CHD6: variants seen among roughly 807,000 people sequenced by gnomAD.
The protein encoded by CHD6 is ATP-dependent chromatin remodeler CHD6.
CHD6 carries 50 observed loss-of-function variants against 276.9 expected under a neutral mutation model. The observed-to-expected ratio is 0.18, with a 90% CI of 0.14 to 0.23. The LOEUF is 0.23. Ranked by LOEUF, CHD6 falls within the 10% of genes least tolerant of loss-of-function variation. The pLI is 1.00. For synonymous variants in CHD6, 1,173 were observed against 1,229.3 expected (o/e 0.95, Z 0.96); for missense variants, 2,564 against 3,365.8 (o/e 0.76, Z 5.89).
intron 2 of CHD6, among the ~76,000 whole-genome samples, chr20:41,539,549 G>C (rs184243618): frequency 1.3e-5 from 2 of 152,136 alleles, no homozygotes; most frequent in African/African-American, 2.4e-5. Flanking sequence ...AAACACACAC[G>C]ACCACCCCAC....
intron 17 of CHD6, among the ~76,000 whole-genome samples, chr20:41,460,657 C>A (rs1045078295): frequency 3.9e-5 from 6 of 152,204 alleles, no homozygotes; most frequent in Admixed American, 1.3e-4. Flanking sequence ...GATTTGGGAA[C>A]CTCCACTTAA....
intron 1 of CHD6, among the ~76,000 whole-genome samples, chr20:41,570,483 T>G (rs895305334): frequency 6.6e-6 from 1 of 152,240 alleles, no homozygotes; most frequent in Non-Finnish European, 1.5e-5. Flanking sequence ...TGAATTTATA[T>G]ATGAGGGGCC....
intron 1 of CHD6, among the ~76,000 whole-genome samples, chr20:41,609,468 C>T (rs1301672759): frequency 6.6e-6 from 1 of 152,152 alleles, no homozygotes; most frequent in African/African-American, 2.4e-5. Flanking sequence ...ATACAACCAC[C>T]CTTACAACAG....
intron 16 of CHD6, among the ~76,000 whole-genome samples, chr20:41,474,354 G>A (rs1301395838): frequency 6.6e-6 from 1 of 152,124 alleles, no homozygotes; most frequent in Non-Finnish European, 1.5e-5. Context: ...CATCTAGAGG[G>A]AAAACAGAAG....
intron 1 of CHD6, among the ~76,000 whole-genome samples, chr20:41,593,028 T>A (rs2045679735): frequency 6.6e-6 from 1 of 152,100 alleles, no homozygotes; most frequent in African/African-American, 2.4e-5. Context: ...AGAAAAAACC[T>A]ATCCCTCCAC....
At chr20:41,481,636 T>C (rs867297392) in intron 16 of CHD6, among the ~76,000 whole-genome samples, 9 of 152,100 alleles carry the variant, frequency 5.9e-5, no homozygotes, top group African/African-American at 2.2e-4. Flanking sequence ...CTAGAGGGCA[T>C]TTTGGAAATA....
At chr20:41,508,694 C>G (rs1481398178) in intron 5 of CHD6, among the ~76,000 whole-genome samples, 3 of 152,126 alleles carry the variant, frequency 2.0e-5, no homozygotes, top group Non-Finnish European at 1.5e-5. Flanking sequence ...ACGGCCCCAA[C>G]AGACACTTCT....
rs763809134 is a variant in CHD6 at position 41,421,277 on chromosome 20, C to G, written c.5358G>C (p.Lys1786Asn). Residue 1786 changes from lysine to asparagine, a missense_variant, in exon 31 of 37, where the codon AAG becomes AAC. Lys to Asn is a moderately conservative substitution (Grantham distance 94). This residue lies in a region of CHD6 where 1,024 missense variants were observed against 1,047.9 expected (regional missense o/e 0.98). Coordinates refer to ENST00000373233, the MANE Select transcript of CHD6 (RefSeq NM_032221.5). Reference sequence around the variant, plus strand: ...CCTCACTGCAGCAGAGCTCCCCTTCCTTTGAAATAGACATCAACAAATGTT... The same window carrying G: ...CCTCACTGCAGCAGAGCTCCCCTTCGTTTGAAATAGACATCAACAAATGTT... Reference protein sequence around the residue: ...NGKHLLMSISKEGELCCSEAG... With the variant: ...NGKHLLMSISNEGELCCSEAG... 1.2e-6 allele frequency: 2 copies of G among 1,614,116 alleles called. No homozygotes were observed. The highest frequency in any genetic ancestry group is 2.2e-5 in the South Asian group (2 of 91,082).
chr20:41,443,348 G>A (rs1015647102), intron 25 of CHD6, among the ~76,000 whole-genome samples: 11 of 152,212 alleles, frequency 7.2e-5, no homozygotes, highest in African/African-American at 2.7e-4. Flanking sequence ...AAACTAGAAG[G>A]TAGGGCACCA....
At position 41,465,214 on chromosome 20, in the gene CHD6, T is replaced by C. The variant is rs149989162; in HGVS notation, c.2665-7786A>G. Reference sequence around the variant, plus strand: ...CTCAAAATATTCACTCAGAAGATACTAATTTTTAGAGATAAATACAGTTAT... The same window carrying C: ...CTCAAAATATTCACTCAGAAGATACCAATTTTTAGAGATAAATACAGTTAT... On this transcript the variant is annotated intron_variant, in intron 17 of 36. Coordinates refer to ENST00000373233, the MANE Select transcript of CHD6 (RefSeq NM_032221.5). Among the ~76,000 whole-genome samples, 965 of 152,316 alleles carry C rather than the reference T, an allele frequency of 6.3e-3. 2 individuals are homozygous for C. Among genetic ancestry groups the C allele is most frequent in the Non-Finnish European group, 0.011 (779 of 68,020 alleles).
chr20:41,487,423 A>T (rs1473024542), intron 14 of CHD6, among the ~76,000 whole-genome samples: 1 of 152,218 alleles, frequency 6.6e-6, no homozygotes, highest in Non-Finnish European at 1.5e-5. Context: ...ATACACCAAC[A>T]TAAAATATTT....
At chr20:41,577,870 T>C (rs1166043107) in intron 1 of CHD6, among the ~76,000 whole-genome samples, 1 of 152,184 alleles carries the variant, frequency 6.6e-6, no homozygotes, top group East Asian at 1.9e-4. Context: ...CCAGAGCAAA[T>C]CACTTAACCT....
intron 27 of CHD6, among the ~76,000 whole-genome samples, chr20:41,429,848 A>C (rs1468517181): frequency 6.6e-6 from 1 of 152,194 alleles, no homozygotes; most frequent in Non-Finnish European, 1.5e-5. Flanking sequence ...CTAAAGAGGG[A>C]ACGCCACACT....
intron 7 of CHD6, chr20:41,497,940 G>T (rs2043727973): frequency 3.9e-6 from 2 of 507,662 alleles, no homozygotes; most frequent in African/African-American, 3.9e-5. Context: ...CTGAGCCAAT[G>T]GTCTTGGGTG....
intron 17 of CHD6, among the ~76,000 whole-genome samples, chr20:41,467,581 A>G (rs2042953795): frequency 6.7e-6 from 1 of 150,360 alleles, no homozygotes; most frequent in African/African-American, 2.4e-5. Context: ...AAAAAAAAAA[A>G]AAAAAGGCTG....
At chr20:41,514,170 G>A (rs529631273) in intron 4 of CHD6, among the ~76,000 whole-genome samples, 92 of 152,304 alleles carry the variant, frequency 6.0e-4, no homozygotes, top group Non-Finnish European at 1.6e-4. Flanking sequence ...GGTATAGTAC[G>A]TCAGTCTTAT....
Position 41,403,262 on chromosome 20 carries a change from G to A in CHD6, c.*1331C>T. ...TTCCAAGGGTCCTGCGCAGCCCTGC[G>A]CCCCCAGAGTACTGAACCATGAGCT... On this transcript the variant is annotated 3_prime_UTR_variant, in exon 37 of 37. Transcript: ENST00000373233. The A allele has an allele frequency of 1.2e-5, 13 of 1,061,866 alleles. No homozygotes were observed. The highest frequency in any genetic ancestry group is 1.5e-5 in the Non-Finnish European group (13 of 876,778). The allele number at this position is 1,061,866 out of a possible 1,614,324, so 65.8% of individuals were successfully genotyped here.
intron 3 of CHD6, among the ~76,000 whole-genome samples, chr20:41,527,651 G>GA (rs1161883479): frequency 1.3e-5 from 2 of 152,214 alleles, no homozygotes; most frequent in South Asian, 2.1e-4. Context: ...ATTTCAGGAA[G>GA]AAAAAAATGA....
intron 1 of CHD6, among the ~76,000 whole-genome samples, chr20:41,596,853 G>A (rs182667777): frequency 6.6e-6 from 1 of 152,236 alleles, no homozygotes; most frequent in Admixed American, 6.5e-5. Context: ...AAAAAATAGA[G>A]AACTGGAAAT....
Sources: gnomAD v4.1 joint callset for allele counts (sites outside exome capture counted in the v4.1 genomes callset) on GRCh38, gnomAD v4.1.1 for gene constraint, gnomAD v4.1.1 regional missense constraint, MANE v1.5 for transcripts, NCBI Gene and HGNC (gene_info 2026-07-23, HGNC 2026-07-21) for gene names.